The following CTNNA3 variants were observed in gnomAD, a reference collection of about 807,000 sequenced individuals.
CTNNA3 encodes catenin alpha 3.
In CTNNA3, 76 loss-of-function variants were observed where a neutral mutation model predicts 95.7. That is an observed-to-expected ratio of 0.79 (90% confidence interval 0.66 to 0.96). The LOEUF (loss-of-function observed/expected upper bound fraction) is 0.96, where lower values mean the gene tolerates loss of function less well. Among genes scored for constraint, CTNNA3 ranks in the 40% least tolerant of loss-of-function variants. CTNNA3 has a pLI of 0.00. For missense variants in CTNNA3, 1,191 were observed against 1,089.8 expected (o/e 1.09, Z -1.31); for synonymous variants, 431 against 374.4 (o/e 1.15, Z -1.74).
intron 10 of CTNNA3, among the ~76,000 whole-genome samples, chr10:66,564,192 C>T (rs1355595104): frequency 2.0e-5 from 3 of 152,228 alleles, no homozygotes; most frequent in South Asian, 2.1e-4. Flanking sequence ...GAAAAGACTT[C>T]GCCAAAAGTT....
At chr10:66,926,418 C>A in intron 7 of CTNNA3, 1 of 715,208 alleles carries the variant, frequency 1.4e-6, no homozygotes, top group Non-Finnish European at 2.5e-6. Context: ...GCGTGGCTGG[C>A]AAAGAATAAT....
chr10:66,135,061 T>A (rs6480141), intron 13 of CTNNA3, among the ~76,000 whole-genome samples: 2 of 151,972 alleles, frequency 1.3e-5, no homozygotes, highest in Non-Finnish European at 2.9e-5. Context: ...GAAGAGATAC[T>A]GAACTGGAAT....
intron 9 of CTNNA3, among the ~76,000 whole-genome samples, chr10:66,708,742 G>A (rs985689357): frequency 5.3e-5 from 8 of 152,134 alleles, no homozygotes; most frequent in African/African-American, 1.9e-4. Context: ...AGTTGATCAT[G>A]TCTCACCACC....
At chr10:66,270,063 G>C (rs1472419541) in intron 13 of CTNNA3, among the ~76,000 whole-genome samples, 1 of 152,112 alleles carries the variant, frequency 6.6e-6, no homozygotes, top group Non-Finnish European at 1.5e-5. Flanking sequence ...TCTCAAGGTA[G>C]TTTCTACTGT....
intron 9 of CTNNA3, among the ~76,000 whole-genome samples, chr10:66,641,785 G>C (rs1845525859): frequency 6.6e-6 from 1 of 152,060 alleles, no homozygotes; most frequent in African/African-American, 2.4e-5. Context: ...GCAAATAATG[G>C]TCTGCTTTGC....
chr10:67,739,957 G>A (rs1331308919), intron 1 of CTNNA3, among the ~76,000 whole-genome samples: 1 of 152,084 alleles, frequency 6.6e-6, no homozygotes, highest in Non-Finnish European at 1.5e-5. Context: ...TACCAAAACA[G>A]AGATATAGAT....
At chr10:66,638,709 G>A (rs1294004340) in intron 9 of CTNNA3, among the ~76,000 whole-genome samples, 1 of 151,994 alleles carries the variant, frequency 6.6e-6, no homozygotes, top group Non-Finnish European at 1.5e-5. Context: ...ATCACAGCTG[G>A]TACTTTCTGG....
rs1482431362 is a variant in CTNNA3 at position 65,952,047 on chromosome 10, A to AT, written c.2400+14564_2400+14565insA. 8.6e-5 allele frequency among the ~76,000 whole-genome samples: 13 copies of AT among 152,046 alleles called. 1 individual carries two copies. In the East Asian group the frequency reaches 2.5e-3, roughly 29 times the overall value. On this transcript the variant is annotated intron_variant, in intron 17 of 17. Transcript: ENST00000433211. ...TCCGCCTCAAAAAAAAAAAAAAAAAAAATCCCTCACCTATTTCATTGTTTA... is the reference window on the plus strand; with the variant it reads ...TCCGCCTCAAAAAAAAAAAAAAAAAATAATCCCTCACCTATTTCATTGTTTA...
chr10:66,063,572 A>G lies in CTNNA3; in HGVS notation c.2159+5736T>C, dbSNP rs2080254047. On this transcript the variant is annotated intron_variant, in intron 15 of 17. Coordinates refer to ENST00000433211, the MANE Select transcript of CTNNA3 (RefSeq NM_013266.4). ...GATCAAAAGATTCCTATACGCCACT[A>G]TGTTAAATGACAGATTTTTAAATAA... Among the ~76,000 whole-genome samples the G allele has an allele frequency of 2.6e-5, 4 of 151,702 alleles. No homozygotes were observed. In the South Asian group the frequency reaches 8.3e-4, roughly 32 times the overall value.
At chr10:67,605,584 A>G (rs924703035) in intron 3 of CTNNA3, among the ~76,000 whole-genome samples, 4 of 152,258 alleles carry the variant, frequency 2.6e-5, no homozygotes, top group Non-Finnish European at 5.9e-5. Context: ...TTATTACAGC[A>G]ACCATTTTAC....
At chr10:66,034,536 G>A (rs1482179744) in intron 15 of CTNNA3, among the ~76,000 whole-genome samples, 4 of 152,166 alleles carry the variant, frequency 2.6e-5, no homozygotes, top group Non-Finnish European at 5.9e-5. Flanking sequence ...CAGGAAAATA[G>A]CATGTTTATT....
chr10:66,832,407 C>T (rs1016251332), intron 7 of CTNNA3, among the ~76,000 whole-genome samples: 13 of 151,864 alleles, frequency 8.6e-5, no homozygotes, highest in African/African-American at 1.2e-4. Context: ...CTGAAAGTTA[C>T]GGGAAAATTT....
intron 11 of CTNNA3, among the ~76,000 whole-genome samples, chr10:66,459,970 G>C (rs934765048): frequency 1.4e-5 from 2 of 139,448 alleles, no homozygotes; most frequent in Non-Finnish European, 3.2e-5. Context: ...CTCACTTTTT[G>C]TTATGATGTA....
intron 3 of CTNNA3, among the ~76,000 whole-genome samples, chr10:67,557,751 G>A (rs558645588): frequency 6.6e-6 from 1 of 152,188 alleles, no homozygotes; most frequent in Non-Finnish European, 1.5e-5. Context: ...AGAAAAGCCA[G>A]GTTTGAATGA....
intron 11 of CTNNA3, among the ~76,000 whole-genome samples, chr10:66,395,148 G>C (rs1372625763): frequency 6.6e-6 from 1 of 152,034 alleles, no homozygotes; most frequent in East Asian, 1.9e-4. Context: ...ATACGTCTTA[G>C]GGAAGTTCAC....
chr10:66,306,108 A>C (rs982191105), intron 12 of CTNNA3, among the ~76,000 whole-genome samples: 4 of 152,238 alleles, frequency 2.6e-5, no homozygotes, highest in Non-Finnish European at 5.9e-5. Context: ...GGGTTAGAAA[A>C]AAATCCAGAT....
intron 7 of CTNNA3, among the ~76,000 whole-genome samples, chr10:67,149,415 C>G (rs966350402): frequency 7.2e-5 from 11 of 151,964 alleles, no homozygotes; most frequent in Admixed American, 2.6e-4. Context: ...GAAACCCCGT[C>G]TCTACTAAAA....
intron 7 of CTNNA3, among the ~76,000 whole-genome samples, chr10:67,061,347 G>C (rs1241976594): frequency 6.6e-6 from 1 of 152,148 alleles, no homozygotes; most frequent in Non-Finnish European, 1.5e-5. Flanking sequence ...CATGATGACA[G>C]CACTATTTAC....
chr10:66,630,261 G>A (rs999958775), intron 9 of CTNNA3, among the ~76,000 whole-genome samples: 1 of 152,118 alleles, frequency 6.6e-6, no homozygotes, highest in Non-Finnish European at 1.5e-5. Flanking sequence ...GGAGGAGTCA[G>A]CAGCAGAAAT....
Sources: allele counts gnomAD v4.1 joint callset (sites outside exome capture counted in the v4.1 genomes callset), GRCh38; gene constraint gnomAD v4.1.1; transcripts MANE v1.5; gene names NCBI Gene and HGNC (gene_info 2026-07-23, HGNC 2026-07-21).